Variants in APBA2 observed in about 807,000 individuals in gnomAD.
The protein encoded by APBA2 is amyloid beta precursor protein binding family A member 2.
In APBA2, 30 loss-of-function variants were observed where a neutral mutation model predicts 75.0. That is an observed-to-expected ratio of 0.40 (90% CI 0.30 to 0.54). The LOEUF (loss-of-function observed/expected upper bound fraction) is 0.54, where lower values mean the gene tolerates loss of function less well. Among genes scored for constraint, APBA2 ranks in the 20% least tolerant of loss-of-function variants. The probability of loss-of-function intolerance (pLI) is 0.49; values close to 1 mark genes in which losing one functional copy is unlikely to be tolerated. For missense variants in APBA2, 801 were observed against 1,016.1 expected, an observed-to-expected ratio of 0.79 and a Z score of 2.88; for synonymous variants, 444 against 409.6, an observed-to-expected ratio of 1.08 and a Z score of -1.01.
chr15:29,103,588 C>G (rs2044240800), intron 10 of APBA2, among the ~76,000 whole-genome samples: 1 of 152,224 alleles, frequency 6.6e-6, no homozygotes, highest in Non-Finnish European at 1.5e-5. Flanking sequence ...CCAGATGACA[C>G]CGGAAGGAGG....
rs189051293 is a variant in APBA2 at position 28,984,292 on chromosome 15, C to T, written c.-94-11461C>T. Among the ~76,000 whole-genome samples, 193 of 151,994 alleles carry T rather than the reference C, an allele frequency of 1.3e-3. 1 individual carries two copies. Among genetic ancestry groups the T allele is most frequent in the African/African-American group, 4.3e-3 (179 of 41,454 alleles). On this transcript the variant is annotated intron_variant, in intron 2 of 14. Transcript: ENST00000683413. ...GCTCTGAGGGCTTTAGAACAAGAGC[C>T]GGTGTGTGTTTCCCACTGAGTACCT...
At chr15:29,092,767 C>G (rs369378798) in intron 6 of APBA2, among the ~76,000 whole-genome samples, 1 of 152,176 alleles carries the variant, frequency 6.6e-6, no homozygotes, top group African/African-American at 2.4e-5. Flanking sequence ...GATGTGACGC[C>G]TTCTGGATTT....
intron 1 of APBA2, among the ~76,000 whole-genome samples, chr15:28,920,823 C>T (rs1213573231): frequency 1.3e-5 from 2 of 152,258 alleles, no homozygotes; most frequent in Middle Eastern, 3.4e-3. Context: ...TCAGTGCTGC[C>T]ATCATCCTTC....
At chr15:29,111,130 C>T (rs1002341329) in intron 13 of APBA2, among the ~76,000 whole-genome samples, 5 of 151,894 alleles carry the variant, frequency 3.3e-5, no homozygotes, top group Non-Finnish European at 7.4e-5. Flanking sequence ...GGTGGCAATA[C>T]GAAAGAGAGG....
chr15:28,937,413 G>T (rs1167448816), intron 2 of APBA2, among the ~76,000 whole-genome samples: 1 of 152,184 alleles, frequency 6.6e-6, no homozygotes, highest in African/African-American at 2.4e-5. Flanking sequence ...CCACATTGCA[G>T]AGTGCGCTTG....
chr15:29,116,717 G>A (rs1053530588), intron 14 of APBA2, among the ~76,000 whole-genome samples: 3 of 151,882 alleles, frequency 2.0e-5, no homozygotes, highest in Admixed American at 6.5e-5. Flanking sequence ...AGTTTCTGCC[G>A]AGGCCTGGCC....
At chr15:28,905,603 C>A (rs189106521) in intron 1 of APBA2, among the ~76,000 whole-genome samples, 1 of 152,256 alleles carries the variant, frequency 6.6e-6, no homozygotes, top group East Asian at 1.9e-4. Flanking sequence ...TGTCTCTAGG[C>A]TGGACTTGAA....
chr15:29,117,224 C>T lies in APBA2; in HGVS notation c.*91C>T, dbSNP rs914996416. 39 of 1,238,998 alleles carry T rather than the reference C, an allele frequency of 3.1e-5. No homozygotes were observed. The highest frequency in any genetic ancestry group is 4.8e-5 in the South Asian group (4 of 83,262). The allele number at this position is 1,238,998 out of a possible 1,614,324, so 76.8% of individuals were successfully genotyped here. Reference sequence around the variant, plus strand: ...AGCCGGGCCGCAGACTTGACCCCGACGCCACAGCCCAGCCACGGACGCTGG... The same window carrying T: ...AGCCGGGCCGCAGACTTGACCCCGATGCCACAGCCCAGCCACGGACGCTGG... On this transcript the variant is annotated 3_prime_UTR_variant, in exon 15 of 15. Coordinates refer to ENST00000683413, the MANE Select transcript of APBA2 (RefSeq NM_001353788.2).
intron 10 of APBA2, among the ~76,000 whole-genome samples, chr15:29,104,493 T>G (rs2044298204): frequency 6.6e-6 from 1 of 152,254 alleles, no homozygotes; most frequent in South Asian, 2.1e-4. Flanking sequence ...GAGTGCTGTT[T>G]CAGTGTCCAG....
At chr15:29,060,311 G>T (rs2152900346) in intron 4 of APBA2, among the ~76,000 whole-genome samples, 1 of 152,234 alleles carries the variant, frequency 6.6e-6, no homozygotes, top group South Asian at 2.1e-4. Context: ...AGGGAGCTAG[G>T]GTTAGTCCCG....
chr15:28,900,999 A>T (rs1478779437), intron 1 of APBA2, among the ~76,000 whole-genome samples: 3 of 152,108 alleles, frequency 2.0e-5, no homozygotes, highest in African/African-American at 7.2e-5. Context: ...TGCTCCAGGA[A>T]AGTGGTCAAA....
chr15:28,951,150 G>A (rs1025347139), intron 2 of APBA2, among the ~76,000 whole-genome samples: 7 of 152,062 alleles, frequency 4.6e-5, no homozygotes, highest in Admixed American at 2.0e-4. Flanking sequence ...GTATAACAAC[G>A]ATTTATATAG....
Position 29,101,625 on chromosome 15 carries a change from T to C in APBA2, c.1365T>C (p.Arg455=), listed in dbSNP as rs1567012494. The stretch of plus-strand genomic sequence containing the variant: ...AAACCATGATGGACCACGCCTTGCG[T>C]ACCATCTCCTACATCGCCGACATTG... ...TQETMMDHAL[R]TISYIADIGN... is the part of the protein sequence containing the mutation. Residue 455 remains arginine (R), a synonymous_variant, in exon 10 of 15, where the codon CGT becomes CGC. Coordinates refer to ENST00000683413, the MANE Select transcript of APBA2 (RefSeq NM_001353788.2). 1 of 1,613,614 alleles carries C rather than the reference T, an allele frequency of 6.2e-7. No homozygotes were observed. The highest frequency in any genetic ancestry group is 8.5e-7 in the Non-Finnish European group (1 of 1,179,976).
intron 3 of APBA2, among the ~76,000 whole-genome samples, chr15:29,000,340 A>G (rs1379950115): frequency 1.3e-5 from 2 of 152,242 alleles, no homozygotes; most frequent in Non-Finnish European, 2.9e-5. Context: ...TGGGACTGAC[A>G]GCGATGGTTA....
rs904842326 is a variant in APBA2 at position 29,118,191 on chromosome 15, A to C, written c.*1058A>C. The C allele has an allele frequency of 6.6e-6, 1 of 152,606 alleles. No homozygotes were observed. The highest frequency in any genetic ancestry group is 1.5e-5 in the Non-Finnish European group (1 of 68,052). The allele number at this position is 152,606 out of a possible 1,614,324, so 9.5% of individuals were successfully genotyped here. A position where few individuals can be genotyped will look rare whatever the true frequency, so the allele number is the denominator to read the frequency against. ...CTTGAAGAATACACTGTGACTTAAG[A>C]AGCCTTACCACGCAGTAACTAAAGC... is the stretch of plus-strand genomic sequence containing the variant. On this transcript the variant is annotated 3_prime_UTR_variant, in exon 15 of 15. Coordinates refer to ENST00000683413, the MANE Select transcript of APBA2 (RefSeq NM_001353788.2).
chr15:28,891,099 C>CA (rs774853470), intron 1 of APBA2, among the ~76,000 whole-genome samples: 1 of 152,198 alleles, frequency 6.6e-6, no homozygotes, highest in Non-Finnish European at 1.5e-5. Context: ...AACACTCCAA[C>CA]ATTTGAAGAT....
At chr15:29,002,035 C>T (rs2038875514) in intron 3 of APBA2, among the ~76,000 whole-genome samples, 1 of 152,062 alleles carries the variant, frequency 6.6e-6, no homozygotes, top group South Asian at 2.1e-4. Flanking sequence ...TATAATAGTC[C>T]CCGGTCACAT....
chr15:29,101,881 G>A (rs1389029791), intron 10 of APBA2, 97 bp downstream of exon 10: 7 of 1,250,510 alleles, frequency 5.6e-6, no homozygotes, highest in Non-Finnish European at 5.7e-6. Flanking sequence ...CAGGTGGAAA[G>A]CCTCCATGCT....
intron 3 of APBA2, among the ~76,000 whole-genome samples, chr15:29,027,626 G>A (rs4779698): frequency 0.37 from 55,364 of 149,674 alleles, 16,719 homozygotes; most frequent in African/African-American, 0.81. Flanking sequence ...TCTTTTTGAG[G>A]CAGTCTTGCT....
Sources: gnomAD v4.1 joint callset for allele counts (sites outside exome capture counted in the v4.1 genomes callset) on GRCh38, gnomAD v4.1.1 for gene constraint, MANE v1.5 for transcripts, NCBI Gene and HGNC (gene_info 2026-07-23, HGNC 2026-07-21) for gene names.